Variants in TBC1D22A observed in about 807,000 individuals in gnomAD.
TBC1D22A encodes putative GTPase activator.
In TBC1D22A, 38 loss-of-function variants were observed where a neutral mutation model predicts 60.2. That is an observed-to-expected ratio of 0.63 (90% CI 0.49 to 0.83). The LOEUF (loss-of-function observed/expected upper bound fraction) is 0.83, where lower values mean the gene tolerates loss of function less well. TBC1D22A is among the 40% of genes least tolerant of loss of function. The pLI is 0.00. For synonymous variants in TBC1D22A, 302 were observed against 281.7 expected, an observed-to-expected ratio of 1.07 and a Z score of -0.72; for missense variants, 628 against 701.0, an observed-to-expected ratio of 0.90 and a Z score of 1.18.
At chr22:46,793,935 C>T (rs2084539437) in intron 3 of TBC1D22A, 94 bp downstream of exon 3, 8 of 1,237,880 alleles carry the variant, frequency 6.5e-6, no homozygotes, top group Admixed American at 2.8e-5. Context: ...AGTGGGTTCC[C>T]ATCCTCATTT....
At chr22:46,941,387 C>CAGAATATATATAT (rs1569247854) in intron 8 of TBC1D22A, among the ~76,000 whole-genome samples, 2 of 132,148 alleles carry the variant, frequency 1.5e-5, no homozygotes, top group Non-Finnish European at 3.2e-5. Context: ...AATATATATA[C>CAGAATATATATAT]GGAATATATA....
intron 10 of TBC1D22A, among the ~76,000 whole-genome samples, chr22:47,012,810 C>T (rs1465541990): frequency 1.3e-5 from 2 of 152,172 alleles, no homozygotes; most frequent in African/African-American, 2.4e-5. Context: ...CTCATGACCG[C>T]GGAGGACATT....
At chr22:46,925,900 T>C (rs565073817) in intron 8 of TBC1D22A, among the ~76,000 whole-genome samples, 4 of 152,242 alleles carry the variant, frequency 2.6e-5, no homozygotes, top group African/African-American at 9.6e-5. Flanking sequence ...TTCTCTACAA[T>C]AGACCATATG....
At chr22:46,812,787 G>A (rs1047593593) in intron 4 of TBC1D22A, among the ~76,000 whole-genome samples, 3 of 152,234 alleles carry the variant, frequency 2.0e-5, no homozygotes, top group African/African-American at 7.2e-5. Context: ...CTGCTATTCA[G>A]TTGACAAGAA....
chr22:47,115,587 C>T (rs1265405152), intron 12 of TBC1D22A, among the ~76,000 whole-genome samples: 1 of 152,206 alleles, frequency 6.6e-6, no homozygotes, highest in East Asian at 1.9e-4. Flanking sequence ...TCCTTGCCCT[C>T]TGTGGGTCAT....
chr22:47,135,941 G>A (rs529309901), intron 12 of TBC1D22A, among the ~76,000 whole-genome samples: 10 of 152,344 alleles, frequency 6.6e-5, no homozygotes, highest in African/African-American at 1.4e-4. Context: ...CCGGACACAC[G>A]TGGTGAGGTC....
At chr22:47,078,439 G>A (rs2064318823) in intron 11 of TBC1D22A, among the ~76,000 whole-genome samples, 1 of 152,210 alleles carries the variant, frequency 6.6e-6, no homozygotes, top group Non-Finnish European at 1.5e-5. Flanking sequence ...GAGAATGGCT[G>A]GCATGGAACA....
chr22:46,976,706 G>A (rs764900681), intron 9 of TBC1D22A, among the ~76,000 whole-genome samples: 4 of 152,082 alleles, frequency 2.6e-5, no homozygotes, highest in Admixed American at 6.5e-5. Context: ...CCACATCATC[G>A]CCCTGATTGA....
intron 10 of TBC1D22A, among the ~76,000 whole-genome samples, chr22:47,001,975 CAAAGAGGGTATGCTGTTCTTTCTAA>C (rs2061423167): frequency 6.6e-6 from 1 of 152,242 alleles, no homozygotes; most frequent in Non-Finnish European, 1.5e-5. Flanking sequence ...TTTGTAGGCT[CAAAGAGGGTATGCTGTTCTTTCTAA>C]AATTATCTAG....
At chr22:47,049,756 C>T (rs1219294744) in intron 11 of TBC1D22A, among the ~76,000 whole-genome samples, 2 of 152,212 alleles carry the variant, frequency 1.3e-5, no homozygotes, top group Non-Finnish European at 2.9e-5. Flanking sequence ...GCTTAATATT[C>T]TGGCCTGTGG....
intron 8 of TBC1D22A, among the ~76,000 whole-genome samples, chr22:46,950,189 G>A (rs2072812814): frequency 6.6e-6 from 1 of 152,192 alleles, no homozygotes; most frequent in Non-Finnish European, 1.5e-5. Flanking sequence ...TGGTTTGAAA[G>A]TTGAGCTGAT....
chr22:46,921,996 A>G (rs5769248), intron 8 of TBC1D22A, among the ~76,000 whole-genome samples: 120,760 of 152,126 alleles, frequency 0.79, 48,285 homozygotes, highest in African/African-American at 0.89. Context: ...ATTTCCTTAC[A>G]TTATCTTACA....
intron 1 of TBC1D22A, among the ~76,000 whole-genome samples, chr22:46,769,307 G>A (rs150160924): frequency 6.6e-6 from 1 of 152,326 alleles, no homozygotes; most frequent in Non-Finnish European, 1.5e-5. Flanking sequence ...GTCCTCAGCC[G>A]AAGGAGAGGC....
chr22:46,898,339 A>G (rs935264156), intron 7 of TBC1D22A, among the ~76,000 whole-genome samples: 28 of 152,188 alleles, frequency 1.8e-4, no homozygotes, highest in African/African-American at 6.8e-4. Flanking sequence ...ACAACGCTCA[A>G]TCATTTTTAG....
chr22:46,853,649 A>G (rs183147096), intron 4 of TBC1D22A, among the ~76,000 whole-genome samples: 2 of 152,368 alleles, frequency 1.3e-5, no homozygotes, highest in African/African-American at 4.8e-5. Flanking sequence ...CAAAGACACC[A>G]CATTTGCCTC....
At chr22:46,941,388 G>A (rs71313075) in intron 8 of TBC1D22A, among the ~76,000 whole-genome samples, 6,039 of 66,480 alleles carry the variant, frequency 0.091, 776 homozygotes, top group South Asian at 0.2. Flanking sequence ...ATATATATAC[G>A]GAATATATAT....
intron 8 of TBC1D22A, chr22:46,915,982 A>T: frequency 2.2e-6 from 1 of 456,740 alleles, no homozygotes; most frequent in Non-Finnish European, 4.4e-6. Context: ...GGTGGGCTTC[A>T]GATTCCCATC....
chr22:46,985,991 C>T (rs1016959710), intron 9 of TBC1D22A, among the ~76,000 whole-genome samples: 6 of 152,114 alleles, frequency 3.9e-5, no homozygotes, highest in Admixed American at 3.3e-4. Flanking sequence ...TGTGTCCTGC[C>T]TACCTCCACA....
chr22:46,854,977 G>C (rs1368359121), intron 4 of TBC1D22A, among the ~76,000 whole-genome samples: 1 of 152,068 alleles, frequency 6.6e-6, no homozygotes, highest in Non-Finnish European at 1.5e-5. Context: ...TAGATGGCAG[G>C]GTGTAGTAGT....
Sources: allele counts gnomAD v4.1 joint callset (sites outside exome capture counted in the v4.1 genomes callset), GRCh38; gene constraint gnomAD v4.1.1; transcripts MANE v1.5; gene names NCBI Gene and HGNC (gene_info 2026-07-23, HGNC 2026-07-21).